Variants in PTCHD4 observed in about 807,000 individuals in gnomAD.
The protein encoded by PTCHD4 is patched domain containing 4, also known as patched domain-containing protein 4.
PTCHD4 carries 33 observed loss-of-function variants against 58.1 expected under a neutral mutation model. That is an observed-to-expected ratio of 0.57 (90% CI 0.43 to 0.76). The LOEUF is 0.76. Among genes scored for constraint, PTCHD4 ranks in the 30% least tolerant of loss-of-function variants. PTCHD4 has a pLI of 0.00. For missense variants in PTCHD4, 1,058 were observed against 1,027.1 expected, an observed-to-expected ratio of 1.03 and a Z score of -0.41; for synonymous variants, 478 against 409.6, an observed-to-expected ratio of 1.17 and a Z score of -2.02.
intron 3 of PTCHD4, among the ~76,000 whole-genome samples, chr6:48,044,875 A>G (rs1763977775): frequency 6.6e-6 from 1 of 151,884 alleles, no homozygotes; most frequent in Admixed American, 6.6e-5. Context: ...CTTCAATGGA[A>G]TAGCACCATA....
chr6:48,102,932 G>A (rs986111012), intron 1 of PTCHD4, among the ~76,000 whole-genome samples: 4 of 152,178 alleles, frequency 2.6e-5, no homozygotes, highest in Non-Finnish European at 5.9e-5. Flanking sequence ...GCTCAGGCTC[G>A]AGTAGGTAAA....
At position 47,879,375 on chromosome 6, in the gene PTCHD4, T is replaced by C. The variant is rs769725475; in HGVS notation, c.1460A>G (p.Asn487Ser). Reference protein sequence around the residue: ...MGCLQISDGANIINLLASDSP... With the variant: ...MGCLQISDGASIINLLASDSP... ...ATCACTGGCTAGTAGATTGATGATGTTGGCTCCGTCACTGATCTGTAAGCA... is the reference window on the plus strand; with the variant it reads ...ATCACTGGCTAGTAGATTGATGATGCTGGCTCCGTCACTGATCTGTAAGCA... The change falls in exon 5 of 5, where the codon AAC becomes AGC. Residue 487 changes from asparagine to serine, a missense_variant. Coordinates refer to ENST00000339488, the MANE Select transcript of PTCHD4 (RefSeq NM_001384253.1). 14 of 1,613,516 alleles carry C rather than the reference T, an allele frequency of 8.7e-6. No homozygotes were observed. Among genetic ancestry groups the C allele is most frequent in the East Asian group, 2.2e-5 (1 of 44,864 alleles).
At chr6:47,917,816 GA>G (rs1013442159) in intron 4 of PTCHD4, among the ~76,000 whole-genome samples, 3 of 151,138 alleles carry the variant, frequency 2.0e-5, no homozygotes, top group African/African-American at 4.9e-5. Context: ...GACCCTCACA[GA>G]AAAAAAAATT....
At chr6:48,084,230 T>C (rs920753269) in intron 1 of PTCHD4, among the ~76,000 whole-genome samples, 3 of 152,244 alleles carry the variant, frequency 2.0e-5, no homozygotes, top group African/African-American at 4.8e-5. Flanking sequence ...GATTTGTTTA[T>C]ATCTTAAATA....
intron 3 of PTCHD4, among the ~76,000 whole-genome samples, chr6:48,015,629 C>T (rs761632180): frequency 1.8e-4 from 28 of 151,930 alleles, no homozygotes; most frequent in Admixed American, 5.9e-4. Context: ...AAATATTTGA[C>T]CCACAAGACC....
At chr6:48,061,923 G>C (rs1339260010) in intron 3 of PTCHD4, among the ~76,000 whole-genome samples, 1 of 152,132 alleles carries the variant, frequency 6.6e-6, no homozygotes, top group East Asian at 1.9e-4. Context: ...TAGATCTGCT[G>C]TCCAATCAAA....
In PTCHD4 at chr6:47,879,052, C is replaced by T; in HGVS notation, c.1783G>A (p.Gly595Arg). The stretch of plus-strand genomic sequence containing the variant: ...GAAGCAATGATATTGCTTTCATCCC[C>T]TGCCTTGGAGAAGATGATATCATTT... ...FRNDIIFSKA[G>R]DESNIIASRL... The change falls in exon 5 of 5, where the codon GGG (glycine) becomes AGG (arginine). Residue 595 changes from glycine to arginine, a missense_variant. Physicochemically the swap from Gly to Arg is moderately radical, Grantham distance 125. Coordinates refer to ENST00000339488, the MANE Select transcript of PTCHD4 (RefSeq NM_001384253.1). The T allele has an allele frequency of 6.2e-7, 1 of 1,613,534 alleles. No homozygotes were observed. Among genetic ancestry groups the T allele is most frequent in the Non-Finnish European group, 8.5e-7 (1 of 1,179,762 alleles).
intron 3 of PTCHD4, among the ~76,000 whole-genome samples, chr6:48,037,918 A>AAAAAAAT (rs1763699698): frequency 6.6e-6 from 1 of 150,726 alleles, no homozygotes; most frequent in Admixed American, 6.6e-5. Context: ...AAAAAAAAAA[A>AAAAAAAT]AAGTTCCTTT....
chr6:48,094,109 T>A (rs1292350295), intron 1 of PTCHD4, among the ~76,000 whole-genome samples: 1 of 152,116 alleles, frequency 6.6e-6, no homozygotes, highest in Non-Finnish European at 1.5e-5. Context: ...TTCAAAGTGA[T>A]TCTAGAAAAA....
intron 3 of PTCHD4, among the ~76,000 whole-genome samples, chr6:48,036,993 T>G (rs1763662144): frequency 6.6e-6 from 1 of 152,120 alleles, no homozygotes; most frequent in African/African-American, 2.4e-5. Flanking sequence ...AGGGATCCCC[T>G]GAAGATGAGT....
intron 1 of PTCHD4, among the ~76,000 whole-genome samples, chr6:48,098,157 C>T (rs746103817): frequency 6.6e-6 from 1 of 152,094 alleles, no homozygotes; most frequent in Non-Finnish European, 1.5e-5. Context: ...TACCTTCAAG[C>T]ATCATTAATG....
intron 4 of PTCHD4, among the ~76,000 whole-genome samples, chr6:47,897,940 C>CTTTTTTTTTTTTTTTTTTTTTTTTTT (rs67063892): frequency 1.3e-5 from 1 of 76,356 alleles, no homozygotes; most frequent in African/African-American, 4.9e-5. Flanking sequence ...TTCTTTCTTT[C>CTTTTTTTTTTTTTTTTTTTTTTTTTT]TTTTTTTTTT....
At chr6:48,000,051 T>C (rs1045911689) in intron 4 of PTCHD4, among the ~76,000 whole-genome samples, 5 of 152,152 alleles carry the variant, frequency 3.3e-5, no homozygotes, top group African/African-American at 1.2e-4. Flanking sequence ...CTGTTACAAA[T>C]AGGTATGAAT....
At chr6:47,941,914 G>C (rs1766243381) in intron 4 of PTCHD4, among the ~76,000 whole-genome samples, 1 of 152,122 alleles carries the variant, frequency 6.6e-6, no homozygotes, top group Admixed American at 6.5e-5. Context: ...TGTCAAACTA[G>C]GTACTGATTC....
chr6:47,943,235 T>C (rs1274119254), intron 4 of PTCHD4, among the ~76,000 whole-genome samples: 2 of 152,162 alleles, frequency 1.3e-5, no homozygotes, highest in East Asian at 1.9e-4. Flanking sequence ...ATGTCGTGCA[T>C]GGTTTATGTA....
At position 47,868,647 on chromosome 6, in the gene PTCHD4, A is replaced by G. The variant is rs1763638345; in HGVS notation, c.*9656T>C. Among the ~76,000 whole-genome samples, 1 of 151,834 alleles carries G rather than the reference A, an allele frequency of 6.6e-6. No homozygotes were observed. The highest frequency in any genetic ancestry group is 1.5e-5 in the Non-Finnish European group (1 of 67,830). On this transcript the variant is annotated 3_prime_UTR_variant, in exon 5 of 5. Coordinates refer to ENST00000339488, the MANE Select transcript of PTCHD4 (RefSeq NM_001384253.1). ...TTTCAACTTGAAGCACATATAAATG[A>G]CAATAAATAGTACTTTTGCAAACTT...
chr6:47,884,140 G>A (rs1464765383), intron 4 of PTCHD4, among the ~76,000 whole-genome samples: 1 of 151,906 alleles, frequency 6.6e-6, no homozygotes, highest in Non-Finnish European at 1.5e-5. Flanking sequence ...ATTCATTTAT[G>A]TATCTACCCA....
At chr6:48,011,898 T>C (rs1410623706) in intron 3 of PTCHD4, among the ~76,000 whole-genome samples, 1 of 152,182 alleles carries the variant, frequency 6.6e-6, no homozygotes, top group Non-Finnish European at 1.5e-5. Flanking sequence ...TGCGCCATTA[T>C]TTCTGAGGCC....
intron 4 of PTCHD4, among the ~76,000 whole-genome samples, chr6:47,930,447 A>G (rs1048174393): frequency 3.3e-5 from 5 of 152,228 alleles, no homozygotes; most frequent in Admixed American, 6.5e-5. Flanking sequence ...GGTTTCTTGT[A>G]GCAAAACCTT....
Sources: allele counts gnomAD v4.1 joint callset (sites outside exome capture counted in the v4.1 genomes callset), GRCh38; gene constraint gnomAD v4.1.1; transcripts MANE v1.5; gene names NCBI Gene and HGNC (gene_info 2026-07-23, HGNC 2026-07-21).